Variants in RMDN2 observed in about 807,000 individuals in gnomAD.
RMDN2 encodes regulator of microtubule dynamics protein 2.
Under a neutral mutation model 52.8 loss-of-function variants are expected in RMDN2, and 61 were observed. That is an observed-to-expected ratio of 1.16 (90% CI 0.94 to 1.43). The LOEUF (loss-of-function observed/expected upper bound fraction) is 1.43. RMDN2 is among the 40% of genes most tolerant of loss of function. The pLI, the probability that RMDN2 is intolerant of heterozygous loss-of-function variation, is 0.00. For synonymous variants in RMDN2, 180 were observed against 153.1 expected (o/e 1.18, Z -1.30); for missense variants, 592 against 475.3 (o/e 1.25, Z -2.28).
intron 2 of RMDN2, among the ~76,000 whole-genome samples, chr2:37,965,269 A>G (rs894215587): frequency 1.4e-5 from 2 of 147,350 alleles, no homozygotes; most frequent in African/African-American, 2.5e-5. Flanking sequence ...TCATTTTGTT[A>G]TTGATTTTGT....
At chr2:37,930,561 G>A (rs1666648415) in intron 2 of RMDN2, among the ~76,000 whole-genome samples, 2 of 152,152 alleles carry the variant, frequency 1.3e-5, no homozygotes, top group Non-Finnish European at 1.5e-5. Context: ...GGGCGCAGGT[G>A]GGACAGGCAA....
At chr2:38,028,143 T>G (rs545770124) in intron 10 of RMDN2, 2 of 149,830 alleles carry the variant, frequency 1.3e-5, no homozygotes, top group Admixed American at 1.3e-4. Context: ...CAGAGGCTGA[T>G]CCAAATTTCA....
At chr2:38,010,296 C>G (rs1677774215) in intron 10 of RMDN2, among the ~76,000 whole-genome samples, 1 of 152,172 alleles carries the variant, frequency 6.6e-6, no homozygotes, top group Non-Finnish European at 1.5e-5. Flanking sequence ...TTGGCTAAGC[C>G]CTGCCCCCAG....
At chr2:37,956,096 G>T (rs185747846) in intron 2 of RMDN2, among the ~76,000 whole-genome samples, 164 of 152,266 alleles carry the variant, frequency 1.1e-3, no homozygotes, top group African/African-American at 3.7e-3. Context: ...TTCCTCTTCA[G>T]TGTTTTGGAA....
chr2:37,950,708 C>T, intron 2 of RMDN2: 1 of 1,021,064 alleles, frequency 9.8e-7, no homozygotes, highest in South Asian at 1.3e-5. Context: ...CCTGGACTGT[C>T]CAGATATTCA....
intron 10 of RMDN2, among the ~76,000 whole-genome samples, chr2:38,050,844 C>T (rs1007117500): frequency 2.6e-5 from 4 of 152,182 alleles, no homozygotes; most frequent in Non-Finnish European, 4.4e-5. Flanking sequence ...CTGCAGCCTC[C>T]GCCTCCGGAG....
chr2:37,928,138 T>TC (rs1214242936), intron 1 of RMDN2, among the ~76,000 whole-genome samples: 1 of 152,220 alleles, frequency 6.6e-6, no homozygotes, highest in Non-Finnish European at 1.5e-5. Context: ...AGTCAGTCCT[T>TC]CTCTTTGACA....
rs1437428726 is a variant in RMDN2 at position 38,038,503 on chromosome 2, C to A, written c.1714-28479C>A. 2.6e-5 allele frequency among the ~76,000 whole-genome samples: 4 copies of A among 152,280 alleles called. No individual in the cohort carries two copies. In the East Asian group the frequency reaches 7.7e-4, roughly 29 times the overall value. On this transcript the variant is annotated intron_variant, in intron 10 of 10. Transcript: ENST00000234195. ...AACTGTCTCCTGCACGGTTCAGGCCCGGTTACCGCTGCCTGCAACCCCCGC... is the reference window on the plus strand; with the variant it reads ...AACTGTCTCCTGCACGGTTCAGGCCAGGTTACCGCTGCCTGCAACCCCCGC...
chr2:38,053,944 G>A (rs949022322), intron 10 of RMDN2, among the ~76,000 whole-genome samples: 4 of 152,128 alleles, frequency 2.6e-5, no homozygotes, highest in African/African-American at 9.7e-5. Context: ...AGAGTTAGAG[G>A]AAGTAAACCT....
chr2:37,965,691 T>A (rs1407028401), intron 2 of RMDN2, among the ~76,000 whole-genome samples: 2 of 152,218 alleles, frequency 1.3e-5, no homozygotes, highest in African/African-American at 4.8e-5. Context: ...TTCCCATGTC[T>A]TTACCTTTAC....
intron 7 of RMDN2, 136 bp from the exon 8 acceptor site, chr2:37,997,280 T>C: frequency 1.5e-6 from 1 of 647,920 alleles, no homozygotes; most frequent in East Asian, 2.8e-5. Flanking sequence ...TATGGATATA[T>C]GTTTTCATTT....
intron 2 of RMDN2, among the ~76,000 whole-genome samples, chr2:37,937,160 G>T (rs1310682551): frequency 2.0e-5 from 3 of 152,080 alleles, no homozygotes; most frequent in East Asian, 1.9e-4. Context: ...ATTAAACAGG[G>T]AATCTTTTCC....
chr2:38,039,726 C>G (rs1455068304), intron 10 of RMDN2, among the ~76,000 whole-genome samples: 2 of 152,186 alleles, frequency 1.3e-5, no homozygotes, highest in South Asian at 4.1e-4. Flanking sequence ...TCAGAAGGGA[C>G]AGCTGGGAAG....
chr2:37,933,589 G>A lies in RMDN2; in HGVS notation c.452+3860G>A, dbSNP rs1484976457. 2.6e-5 allele frequency among the ~76,000 whole-genome samples: 4 copies of A among 152,290 alleles called. No individual in the cohort carries two copies. The East Asian group carries it at 7.7e-4, about 29-fold the overall frequency. ...GCTGGAGACCAGCCCGGCCAACACA[G>A]CGAAACCCCGTCTCCACCAAAAAAA... is the stretch of plus-strand genomic sequence containing the variant. On this transcript the variant is annotated intron_variant, in intron 2 of 10. Transcript: ENST00000354545.
intron 4 of RMDN2, among the ~76,000 whole-genome samples, chr2:37,976,722 A>G (rs1245960596): frequency 6.6e-6 from 1 of 152,240 alleles, no homozygotes; most frequent in Non-Finnish European, 1.5e-5. Context: ...TAATTTCAAC[A>G]TAAATAAAAA....
At chr2:38,065,273 A>G (rs1682224289) in intron 10 of RMDN2, among the ~76,000 whole-genome samples, 1 of 152,190 alleles carries the variant, frequency 6.6e-6, no homozygotes, top group Non-Finnish European at 1.5e-5. Context: ...ACAATAATAC[A>G]AATTTTGCTG....
intron 10 of RMDN2, chr2:38,029,498 A>G (rs336044): frequency 0.67 from 101,203 of 151,680 alleles, 34,719 homozygotes; most frequent in East Asian, 0.89. Context: ...CAAGGACCTC[A>G]TATTATTTAC....
rs1240415453 is a variant in RMDN2, at chr2:37,975,261, A to T, written c.677A>T (p.Asp226Val). The T allele has an allele frequency of 6.2e-7, 1 of 1,610,996 alleles. No homozygotes were observed. Among genetic ancestry groups the T allele is most frequent in the East Asian group, 2.2e-5 (1 of 44,822 alleles). Residue 226 changes from aspartate (D) to valine (V), a missense_variant, in exon 4 of 11, where the codon GAC becomes GTC. Physicochemically the swap from Asp to Val is radical, Grantham distance 152. Transcript: ENST00000354545. ...FMWRFARAYG[D>V]MYELSTNTQE... ...TGGCGATTTGCTCGTGCTTATGGAG[A>T]CATGTATGAACTATCTACAAACACA... is the stretch of plus-strand genomic sequence containing the variant.
At chr2:38,007,313 T>G (rs375984645) in intron 10 of RMDN2, among the ~76,000 whole-genome samples, 1 of 152,180 alleles carries the variant, frequency 6.6e-6, no homozygotes, top group Non-Finnish European at 1.5e-5. Context: ...TGGTAGAATT[T>G]GGCTGTGAAT....
Sources: gnomAD v4.1 joint callset for allele counts (sites outside exome capture counted in the v4.1 genomes callset) on GRCh38, gnomAD v4.1.1 for gene constraint, MANE v1.5 for transcripts, NCBI Gene and HGNC (gene_info 2026-07-23, HGNC 2026-07-21) for gene names.